The following ALG5 variants were observed in gnomAD, a reference collection of about 807,000 sequenced individuals.
ALG5 encodes ALG5 dolichyl-phosphate beta-glucosyltransferase, also known as dolichyl-phosphate beta-glucosyltransferase.
ALG5 carries 26 observed loss-of-function variants against 51.8 expected under a neutral mutation model. That is an observed-to-expected ratio of 0.50 (90% CI 0.37 to 0.70). ALG5 has a LOEUF of 0.70. Among genes scored for constraint, ALG5 ranks in the 30% least tolerant of loss-of-function variants. ALG5 has a pLI of 0.00. For missense variants in ALG5, 311 were observed against 399.3 expected, an observed-to-expected ratio of 0.78 and a Z score of 1.88; for synonymous variants, 141 against 136.1, an observed-to-expected ratio of 1.04 and a Z score of -0.25.
At chr13:36,970,890 G>C (rs896545052) in intron 7 of ALG5, among the ~76,000 whole-genome samples, 1 of 152,192 alleles carries the variant, frequency 6.6e-6, no homozygotes, top group Non-Finnish European at 1.5e-5. Flanking sequence ...CATCCTGGGT[G>C]ACAGAGCGAG....
intron 8 of ALG5, 177 bp from the exon 9 acceptor site, chr13:36,952,776 G>A: frequency 2.3e-6 from 1 of 428,134 alleles, no homozygotes. Context: ...GAAGTTTCAA[G>A]TCAAATAATA....
intron 6 of ALG5, among the ~76,000 whole-genome samples, chr13:36,984,382 T>C (rs1047590225): frequency 1.3e-5 from 2 of 152,196 alleles, no homozygotes; most frequent in Admixed American, 6.5e-5. Context: ...ATTACAGGCA[T>C]GTAAACCTGG....
intron 4 of ALG5, among the ~76,000 whole-genome samples, chr13:36,990,206 T>C (rs1365653603): frequency 6.6e-6 from 1 of 152,254 alleles, no homozygotes; most frequent in Non-Finnish European, 1.5e-5. Flanking sequence ...CTCTGCTTTA[T>C]AATCAAAGTC....
At chr13:36,994,866 G>C (rs2059041806) in intron 3 of ALG5, 123 bp downstream of exon 3, 1 of 764,740 alleles carries the variant, frequency 1.3e-6, no homozygotes, top group South Asian at 1.7e-5. Context: ...CAAGCAGCAG[G>C]TGGCCCAGCG....
chr13:36,958,677 C>T (rs1007309530), intron 8 of ALG5, among the ~76,000 whole-genome samples: 1 of 152,144 alleles, frequency 6.6e-6, no homozygotes. Context: ...AGCTGGATTT[C>T]CTAGGCCGAC....
intron 8 of ALG5, among the ~76,000 whole-genome samples, chr13:36,955,557 T>C (rs912044023): frequency 6.0e-5 from 9 of 150,652 alleles, no homozygotes; most frequent in Non-Finnish European, 1.0e-4. Flanking sequence ...AAAAAGAAGA[T>C]TGGATAATAA....
chr13:36,960,000 T>C (rs1309997358), intron 8 of ALG5, among the ~76,000 whole-genome samples: 1 of 152,004 alleles, frequency 6.6e-6, no homozygotes, highest in Non-Finnish European at 1.5e-5. Context: ...AATTATACTC[T>C]TGAGAGCCTG....
In ALG5 at chr13:36,999,215, G is replaced by A. The variant is rs781422130; in HGVS notation, c.66+20C>T. ...GAGCGGTAAGCCCCGGCCTGCGCGGGTTCCCATCCCTGTTCTCACCAGTAC... is the reference window on the plus strand; with the variant it reads ...GAGCGGTAAGCCCCGGCCTGCGCGGATTCCCATCCCTGTTCTCACCAGTAC... On this transcript the variant is annotated intron_variant, in intron 1 of 9. Coordinates refer to ENST00000239891, the MANE Select transcript of ALG5 (RefSeq NM_013338.5). 6 of 1,556,190 alleles carry A rather than the reference G, an allele frequency of 3.9e-6. No homozygotes were observed. Among genetic ancestry groups the A allele is most frequent in the Non-Finnish European group, 5.2e-6 (6 of 1,152,750 alleles).
chr13:36,972,090 T>C lies in ALG5; in HGVS notation c.562-54A>G, dbSNP rs1344883143. On this transcript the variant is annotated intron_variant, in intron 6 of 9. Transcript: ENST00000239891. ...AATATTTAAATATCACTAATAAAAATATTTATTTTCAATGAGAATATCTCA... is the reference window on the plus strand; with the variant it reads ...AATATTTAAATATCACTAATAAAAACATTTATTTTCAATGAGAATATCTCA... 3.0e-6 allele frequency: 4 copies of C among 1,317,358 alleles called. No individual in the cohort carries two copies. In the African/African-American group the frequency reaches 6.0e-5, roughly 20 times the overall value. The allele number at this position is 1,317,358 out of a possible 1,614,324, so 81.6% of individuals were successfully genotyped here. A position where few individuals can be genotyped will look rare whatever the true frequency, so the allele number is the denominator to read the frequency against.
At chr13:36,968,476 G>A (rs970186483) in intron 7 of ALG5, among the ~76,000 whole-genome samples, 6 of 152,106 alleles carry the variant, frequency 3.9e-5, no homozygotes, top group Admixed American at 2.6e-4. Flanking sequence ...CTTTTAAAAT[G>A]ATAAATTCAA....
chr13:36,989,896 C>A (rs114686913), intron 4 of ALG5, among the ~76,000 whole-genome samples: 2,933 of 152,260 alleles, frequency 0.019, 94 homozygotes, highest in African/African-American at 0.066. Flanking sequence ...AACAAAAAAA[C>A]CCCACAAAAG....
intron 5 of ALG5, among the ~76,000 whole-genome samples, chr13:36,988,077 G>T (rs9315459): frequency 0.91 from 138,646 of 152,100 alleles, 63,334 homozygotes; most frequent in East Asian, 1. Flanking sequence ...TCCCAACTTG[G>T]AGGTGGTTAA....
chr13:36,996,005 T>C (rs2059048415), intron 1 of ALG5, among the ~76,000 whole-genome samples: 1 of 152,148 alleles, frequency 6.6e-6, no homozygotes, highest in Non-Finnish European at 1.5e-5. Flanking sequence ...ACTTGGAATC[T>C]ATATGTGACA....
intron 9 of ALG5, among the ~76,000 whole-genome samples, chr13:36,951,081 G>C (rs2058816094): frequency 6.6e-6 from 1 of 152,082 alleles, no homozygotes; most frequent in Admixed American, 6.6e-5. Context: ...TCGTTTATCA[G>C]GGCCAAAAAT....
At chr13:36,985,773 G>T in intron 5 of ALG5, 33 bp from the exon 6 acceptor site, 1 of 1,472,062 alleles carries the variant, frequency 6.8e-7, no homozygotes, top group Admixed American at 1.8e-5. Flanking sequence ...AAAGAAAATT[G>T]GTTAAAACTC....
At chr13:36,987,034 T>C (rs191632979) in intron 5 of ALG5, among the ~76,000 whole-genome samples, 2 of 152,356 alleles carry the variant, frequency 1.3e-5, no homozygotes, top group East Asian at 3.9e-4. Context: ...ATACCCATTA[T>C]TTCTCATGTG....
intron 7 of ALG5, among the ~76,000 whole-genome samples, chr13:36,971,139 G>C (rs1482949453): frequency 2.0e-5 from 3 of 152,020 alleles, no homozygotes; most frequent in Non-Finnish European, 1.5e-5. Context: ...AGTTTTTCTA[G>C]CATAACCTAC....
At chr13:36,993,533 T>G (rs1294182133) in intron 4 of ALG5, 71 bp downstream of exon 4, 3 of 1,312,934 alleles carry the variant, frequency 2.3e-6, no homozygotes, top group Non-Finnish European at 3.3e-6. Context: ...TGAATGAAAG[T>G]GAGATTTCAC....
chr13:36,997,826 C>T (rs1593690601), intron 1 of ALG5, among the ~76,000 whole-genome samples: 1 of 152,000 alleles, frequency 6.6e-6, no homozygotes, highest in Non-Finnish European at 1.5e-5. Context: ...AGAGTGGATA[C>T]ATATGAAGAC....
Sources: allele counts gnomAD v4.1 joint callset (sites outside exome capture counted in the v4.1 genomes callset), GRCh38; gene constraint gnomAD v4.1.1; transcripts MANE v1.5; gene names NCBI Gene and HGNC (gene_info 2026-07-23, HGNC 2026-07-21).